COL4A4: variants seen among roughly 807,000 people sequenced by gnomAD.
COL4A4 encodes collagen alpha-4(IV) chain.
In COL4A4, 105 loss-of-function variants were observed where a neutral mutation model predicts 192.9. That is an observed-to-expected ratio of 0.54 (90% CI 0.46 to 0.64). The LOEUF (loss-of-function observed/expected upper bound fraction) is 0.64, where lower values mean the gene tolerates loss of function less well. Among genes scored for constraint, COL4A4 ranks in the 30% least tolerant of loss-of-function variants. The pLI is 0.00. For missense variants in COL4A4, 1,967 were observed against 2,169.3 expected (o/e 0.91, Z 1.85); for synonymous variants, 762 against 769.9 (o/e 0.99, Z 0.17).
At chr2:227,118,857 T>A (rs944044059) in intron 6 of COL4A4, 96 bp from the exon 7 acceptor site, 1 of 822,774 alleles carries the variant, frequency 1.2e-6, no homozygotes, top group Non-Finnish European at 2.1e-6. Flanking sequence ...CAATTGTGAT[T>A]CACACATTTA....
chr2:227,098,774 G>C lies in COL4A4; in HGVS notation c.1124C>G (p.Pro375Arg). 6.2e-7 allele frequency: 1 copy of C among 1,614,062 alleles called. No individual in the cohort carries two copies. Among genetic ancestry groups the C allele is most frequent in the Non-Finnish European group, 8.5e-7 (1 of 1,179,990 alleles). The change falls in exon 19 of 48, where the codon CCT becomes CGT. Residue 375 changes from proline (P) to arginine (R), a missense_variant. Transcript: ENST00000396625. ...ATCCCCTGTTTCTCCATAGCGGCCA[G>C]GGAACCCTGGGTCCCCTGGTGGGCC... ...LKGPPGDPGF[P>R]GRYGETGDVG...
chr2:227,144,709 A>AT, intron 2 of COL4A4, 151 bp from the exon 3 acceptor site: 1 of 656,888 alleles, frequency 1.5e-6, no homozygotes. Flanking sequence ...GACAAGATCC[A>AT]TGCTTTCCTC....
intron 1 of COL4A4, among the ~76,000 whole-genome samples, chr2:227,150,500 G>T (rs1404791946): frequency 1.3e-5 from 2 of 151,982 alleles, no homozygotes; most frequent in African/African-American, 4.8e-5. Context: ...CTTATTATAA[G>T]AATTATCTTA....
At chr2:227,080,581 C>T in intron 23 of COL4A4, 32 bp from the exon 24 acceptor site, 2 of 1,575,928 alleles carry the variant, frequency 1.3e-6, no homozygotes, top group East Asian at 2.2e-5. Flanking sequence ...TATTCAAGCT[C>T]TTATCAGCAG....
Position 227,006,821 on chromosome 2 carries a change from G to A in COL4A4, c.*504C>T, listed in dbSNP as rs1414195159. ...CGTCATGGTTTTACCATTATTTAAA[G>A]TATATGGAAAAATAGATTACAGAGG... On this transcript the variant is annotated 3_prime_UTR_variant, in exon 48 of 48. Transcript: ENST00000396625. 6.3e-6 allele frequency: 1 copy of A among 157,692 alleles called. No homozygotes were observed. Among genetic ancestry groups the A allele is most frequent in the South Asian group, 1.8e-4 (1 of 5,536 alleles). The allele number at this position is 157,692 out of a possible 1,614,324, so 9.8% of individuals were successfully genotyped here.
intron 44 of COL4A4, among the ~76,000 whole-genome samples, chr2:227,017,507 C>G (rs180888075): frequency 6.6e-6 from 1 of 152,210 alleles, no homozygotes. Flanking sequence ...GGTGTGGGTA[C>G]ATCCATTAGG....
At chr2:227,121,536 TG>T (rs1302555636) in intron 4 of COL4A4, among the ~76,000 whole-genome samples, 3 of 130,958 alleles carry the variant, frequency 2.3e-5, no homozygotes, top group African/African-American at 9.5e-5. Context: ...CACTACAGCC[TG>T]GGTGACAGAG....
In COL4A4 at chr2:227,060,123, AAAC is replaced by A; in HGVS notation, c.2164+10_2164+12del. On this transcript the variant is annotated intron_variant, in intron 27 of 47. Transcript: ENST00000396625. ...GCAGAAAAAAAAAAAAAAAAAAAAA[AAAC>A]CTCACTGACCAGGTGGACCTGGTAT... 1 of 1,446,570 alleles carries A rather than the reference AAAC, an allele frequency of 6.9e-7. No individual in the cohort carries two copies. Among genetic ancestry groups the A allele is most frequent in the Non-Finnish European group, 9.5e-7 (1 of 1,053,008 alleles). 89.6% of individuals were successfully genotyped at this position (1,446,570 alleles called of 1,614,324 possible).
At chr2:227,121,226 G>A (rs748456330) in intron 4 of COL4A4, 78 bp from the exon 5 acceptor site, 66 of 1,480,398 alleles carry the variant, frequency 4.5e-5, no homozygotes, top group Non-Finnish European at 5.8e-5. Context: ...ACTCATTCAG[G>A]CCTACAGAAG....
rs1386256793 is a variant in COL4A4 at position 227,041,828 on chromosome 2, GAAAGAAAGAA to G, written c.3505+310_3505+319del. Among the ~76,000 whole-genome samples the G allele has an allele frequency of 0.035, 1,807 of 51,584 alleles. 211 individuals are homozygous for G. Among genetic ancestry groups the G allele is most frequent in the South Asian group, 0.055 (70 of 1,266 alleles). The allele number at this position is 51,584 out of a possible 152,430, so 33.8% of individuals were successfully genotyped here. A position where few individuals can be genotyped will look rare whatever the true frequency, so the allele number is the denominator to read the frequency against. ...AGGAAGAAAGAAAGAAAGAAAGAAA[GAAAGAAAGAA>G]AGAAAGAAAGAGAAAGAAAGAAAGA... is the stretch of plus-strand genomic sequence containing the variant. On this transcript the variant is annotated intron_variant, in intron 37 of 47. Transcript: ENST00000396625.
chr2:226,992,681 A>G, the COL4A4 span, among the ~76,000 whole-genome samples: 2 of 152,220 alleles, frequency 1.3e-5, no homozygotes, highest in Non-Finnish European at 2.9e-5. Context: ...CTGTTTTCAG[A>G]TAGCAGTGAG....
At chr2:227,103,031 C>T in intron 14 of COL4A4, 113 bp downstream of exon 14, 1 of 1,115,720 alleles carries the variant, frequency 9.0e-7, no homozygotes, top group East Asian at 2.4e-5. Flanking sequence ...GTGAAAAATT[C>T]TGGTAATATA....
intron 42 of COL4A4, among the ~76,000 whole-genome samples, chr2:227,026,888 C>T (rs182009886): frequency 4.1e-4 from 63 of 152,262 alleles, no homozygotes; most frequent in African/African-American, 1.4e-3. Context: ...ATTGAATATA[C>T]GATCCTAACA....
intron 6 of COL4A4, 46 bp from the exon 7 acceptor site, chr2:227,118,807 A>G (rs746070888): frequency 2.5e-6 from 3 of 1,209,670 alleles, no homozygotes; most frequent in Non-Finnish European, 3.7e-6. Context: ...CGAAAATATC[A>G]TTACATAAAG....
intron 34 of COL4A4, among the ~76,000 whole-genome samples, chr2:227,049,737 G>T (rs967470941): frequency 1.2e-4 from 19 of 152,174 alleles, no homozygotes; most frequent in Non-Finnish European, 7.4e-5. Flanking sequence ...AGCCAAAGTG[G>T]GCACGGCCCA....
chr2:226,974,333 G>A, the COL4A4 span, among the ~76,000 whole-genome samples: 1 of 151,980 alleles, frequency 6.6e-6, no homozygotes, highest in African/African-American at 2.4e-5. Flanking sequence ...CACCCCCTGG[G>A]TTCACGCCAT....
chr2:226,986,773 G>A, the COL4A4 span, among the ~76,000 whole-genome samples: 7 of 152,220 alleles, frequency 4.6e-5, no homozygotes, highest in Non-Finnish European at 8.8e-5. Flanking sequence ...ATAGTGTGGC[G>A]ATTCCTCAAG....
intron 15 of COL4A4, among the ~76,000 whole-genome samples, chr2:227,102,506 C>T (rs1331390617): frequency 1.3e-5 from 2 of 152,168 alleles, no homozygotes; most frequent in African/African-American, 4.8e-5. Flanking sequence ...TTAACTATTC[C>T]AAGCTACTTT....
chr2:227,139,752 T>C (rs973272660), intron 4 of COL4A4, among the ~76,000 whole-genome samples: 3 of 152,218 alleles, frequency 2.0e-5, no homozygotes, highest in Non-Finnish European at 2.9e-5. Context: ...CTTGTTTCAA[T>C]AGCGACAATC....
Sources: allele counts gnomAD v4.1 joint callset (sites outside exome capture counted in the v4.1 genomes callset), GRCh38; gene constraint gnomAD v4.1.1; transcripts MANE v1.5; gene names NCBI Gene and HGNC (gene_info 2026-07-23, HGNC 2026-07-21).